The following SPRED2 variants were observed in gnomAD, a reference collection of about 807,000 sequenced individuals.
SPRED2 encodes sprouty related EVH1 domain containing 2, also known as sprouty-related, EVH1 domain-containing protein 2.
In SPRED2, 47 loss-of-function variants were observed where a neutral mutation model predicts 43.0. The ratio of observed to expected loss-of-function variants is 1.09; its 90% CI spans 0.87 to 1.40. The LOEUF is 1.40. SPRED2 is among the 40% of genes most tolerant of loss of function. The pLI is 0.00. For missense variants in SPRED2, 561 were observed against 586.4 expected (o/e 0.96, Z 0.45); for synonymous variants, 225 against 225.7 (o/e 1.00, Z 0.03).
intron 1 of SPRED2, among the ~76,000 whole-genome samples, chr2:65,384,433 A>G (rs1675444114): frequency 6.6e-6 from 1 of 152,196 alleles, no homozygotes; most frequent in African/African-American, 2.4e-5. Flanking sequence ...CATGATTTGC[A>G]GGGCCTGGTA....
chr2:65,338,817 G>C (rs1674067235), intron 2 of SPRED2, among the ~76,000 whole-genome samples: 1 of 151,404 alleles, frequency 6.6e-6, no homozygotes, highest in African/African-American at 2.4e-5. Flanking sequence ...AGTGAGGAGC[G>C]TCTCTGCCCG....
At chr2:65,391,423 A>G (rs1263151347) in intron 1 of SPRED2, among the ~76,000 whole-genome samples, 1 of 152,196 alleles carries the variant, frequency 6.6e-6, no homozygotes, top group Non-Finnish European at 1.5e-5. Flanking sequence ...TTCTTTTGCT[A>G]TGCACGTTTT....
intron 1 of SPRED2, among the ~76,000 whole-genome samples, chr2:65,410,241 C>G (rs1391269536): frequency 1.3e-5 from 2 of 151,728 alleles, no homozygotes; most frequent in Admixed American, 1.3e-4. Flanking sequence ...TGTCTCTTAA[C>G]TGAAAAGAAA....
chr2:65,313,880 G>A lies in SPRED2; in HGVS notation c.878C>T (p.Ser293Phe). 2 of 1,610,470 alleles carry A rather than the reference G, an allele frequency of 1.2e-6. No homozygotes were observed. Among genetic ancestry groups the A allele is most frequent in the Non-Finnish European group, 1.7e-6 (2 of 1,179,840 alleles). The stretch of plus-strand genomic sequence containing the variant: ...CTTCCGCCGCCGCGACTTGCCCCGG[G>A]AGGGCTGCGTCTTGATCACGCTGCC... ...RGGSVIKTQP[S>F]RGKSRRRKED... is the part of the protein sequence containing the mutation. Residue 293 changes from serine to phenylalanine, a missense_variant, in exon 6 of 6, where the codon TCC becomes TTC. Physicochemically the swap from Ser to Phe is radical, Grantham distance 155. Transcript: ENST00000356388.
chr2:65,405,528 AAT>A (rs1676002032), intron 1 of SPRED2, among the ~76,000 whole-genome samples: 1 of 152,166 alleles, frequency 6.6e-6, no homozygotes, highest in Admixed American at 6.5e-5. Flanking sequence ...AATAACTGTG[AAT>A]GACTGTCCAA....
At chr2:65,422,176 T>G (rs191685177) in intron 1 of SPRED2, among the ~76,000 whole-genome samples, 2 of 151,654 alleles carry the variant, frequency 1.3e-5, no homozygotes, top group African/African-American at 2.4e-5. Flanking sequence ...AAAAACGACT[T>G]GAAAAGCTTG....
chr2:65,397,187 A>G (rs1283099718), intron 1 of SPRED2, among the ~76,000 whole-genome samples: 1 of 152,186 alleles, frequency 6.6e-6, no homozygotes, highest in East Asian at 1.9e-4. Context: ...AGAAACAGAT[A>G]CACACTACAT....
At chr2:65,362,467 T>C (rs1049044046) in intron 1 of SPRED2, among the ~76,000 whole-genome samples, 5 of 152,074 alleles carry the variant, frequency 3.3e-5, no homozygotes, top group Non-Finnish European at 5.9e-5. Context: ...AGATGGGATT[T>C]CACTGTGTTA....
Position 65,317,509 on chromosome 2 carries a change from T to C in SPRED2, c.439-626A>G, listed in dbSNP as rs112935341. ...GCCTGGGTGACAGAGCAAGACTCCA[T>C]CTCAAACAACAACAACAACAACAAC... is the stretch of plus-strand genomic sequence containing the variant. On this transcript the variant is annotated intron_variant, in intron 4 of 5. Transcript: ENST00000356388. Among the ~76,000 whole-genome samples, 936 of 141,756 alleles carry C rather than the reference T, an allele frequency of 6.6e-3. 22 individuals carry two copies. Among genetic ancestry groups the C allele is most frequent in the African/African-American group, 0.023 (859 of 37,676 alleles). 93.0% of individuals were successfully genotyped at this position (141,756 alleles called of 152,430 possible).
chr2:65,376,976 A>G (rs189947131), intron 1 of SPRED2, among the ~76,000 whole-genome samples: 1 of 152,274 alleles, frequency 6.6e-6, no homozygotes, highest in Non-Finnish European at 1.5e-5. Context: ...GGCCTCCCAA[A>G]GTGCTGAGAT....
At chr2:65,383,677 C>A (rs1377206515) in intron 1 of SPRED2, among the ~76,000 whole-genome samples, 1 of 152,126 alleles carries the variant, frequency 6.6e-6, no homozygotes, top group Admixed American at 6.5e-5. Context: ...AAGGAGAAGT[C>A]TGACACACGA....
intron 1 of SPRED2, among the ~76,000 whole-genome samples, chr2:65,370,600 T>C (rs1675100324): frequency 6.6e-6 from 1 of 152,220 alleles, no homozygotes; most frequent in Non-Finnish European, 1.5e-5. Context: ...TGGTTGTTGG[T>C]CCCTTATTCT....
intron 1 of SPRED2, among the ~76,000 whole-genome samples, chr2:65,361,613 C>A (rs1374625406): frequency 6.6e-6 from 1 of 152,220 alleles, no homozygotes; most frequent in Non-Finnish European, 1.5e-5. Context: ...GATTATTAAA[C>A]ACACACACAT....
chr2:65,422,104 A>ACACACACACACACACTCTCTCT (rs1299857849), intron 1 of SPRED2, among the ~76,000 whole-genome samples: 15 of 128,938 alleles, frequency 1.2e-4, no homozygotes, highest in South Asian at 2.8e-4. Flanking sequence ...ACACACACAC[A>ACACACACACACACACTCTCTCT]CTCTCTCTCT....
intron 1 of SPRED2, among the ~76,000 whole-genome samples, chr2:65,420,367 G>A (rs527288979): frequency 6.6e-6 from 1 of 152,174 alleles, no homozygotes; most frequent in Non-Finnish European, 1.5e-5. Flanking sequence ...CTTTTGGGGG[G>A]AAACAAAGGG....
rs1238716035 is a variant in SPRED2 at position 65,312,238 on chromosome 2, G to A, written c.*1263C>T. 1.0e-6 allele frequency: 1 copy of A among 985,526 alleles called. No homozygotes were observed. The highest frequency in any genetic ancestry group is 1.2e-6 in the Non-Finnish European group (1 of 829,934). 61.0% of individuals were successfully genotyped at this position (985,526 alleles called of 1,614,324 possible). ...TGTGCACCCAAAGTGGCGAGTCTGGGTTTGGAGTTGCAGGAGAAAGACACT... is the reference window on the plus strand; with the variant it reads ...TGTGCACCCAAAGTGGCGAGTCTGGATTTGGAGTTGCAGGAGAAAGACACT... On this transcript the variant is annotated 3_prime_UTR_variant, in exon 6 of 6. Coordinates refer to ENST00000356388, the MANE Select transcript of SPRED2 (RefSeq NM_181784.3).
chr2:65,422,650 G>A lies in SPRED2; in HGVS notation c.26+9312C>T, dbSNP rs188207081. ...GTACATTCTAAATTCAAGTTATTCC[G>A]ATTCACAGTATATCACACTCCAAAT... On this transcript the variant is annotated intron_variant, in intron 1 of 5. Transcript: ENST00000356388. Among the ~76,000 whole-genome samples the A allele has an allele frequency of 1.6e-4, 24 of 151,852 alleles. No homozygotes were observed. The East Asian group carries it at 4.4e-3, about 28-fold the overall frequency.
intron 4 of SPRED2, among the ~76,000 whole-genome samples, chr2:65,318,920 T>C (rs1337189846): frequency 6.6e-6 from 1 of 152,178 alleles, no homozygotes; most frequent in Non-Finnish European, 1.5e-5. Context: ...TATGCTGGGA[T>C]TACTGCCATG....
intron 1 of SPRED2, among the ~76,000 whole-genome samples, chr2:65,358,011 T>C (rs1195579095): frequency 6.6e-6 from 1 of 152,156 alleles, no homozygotes; most frequent in Non-Finnish European, 1.5e-5. Context: ...AGTCCTGTAG[T>C]TGTGGCAGAG....
Sources: gnomAD v4.1 joint callset for allele counts (sites outside exome capture counted in the v4.1 genomes callset) on GRCh38, gnomAD v4.1.1 for gene constraint, MANE v1.5 for transcripts, NCBI Gene and HGNC (gene_info 2026-07-23, HGNC 2026-07-21) for gene names.